The following DOCK1 variants were observed in gnomAD, a reference collection of about 807,000 sequenced individuals.
The protein encoded by DOCK1 is dedicator of cytokinesis protein 1.
In DOCK1, 138 loss-of-function variants were observed where a neutral mutation model predicts 262.7. That is an observed-to-expected ratio of 0.53 (90% CI 0.46 to 0.61). DOCK1 has a LOEUF of 0.61. Among genes scored for constraint, DOCK1 ranks in the 20% least tolerant of loss-of-function variants. The pLI is 0.00. For synonymous variants in DOCK1, 866 were observed against 867.4 expected (o/e 1.00, Z 0.03); for missense variants, 1,908 against 2,370.7 (o/e 0.80, Z 4.05).
chr10:126,997,396 T>C (rs776381661), intron 7 of DOCK1, among the ~76,000 whole-genome samples: 1 of 152,146 alleles, frequency 6.6e-6, no homozygotes, highest in Non-Finnish European at 1.5e-5. Context: ...GGATAGTGGC[T>C]TCTGCTTCTG....
At chr10:127,111,618 C>G (rs1252296683) in intron 25 of DOCK1, among the ~76,000 whole-genome samples, 1 of 152,170 alleles carries the variant, frequency 6.6e-6, no homozygotes, top group Non-Finnish European at 1.5e-5. Flanking sequence ...GATGGCCAGG[C>G]ACCCTGCTTC....
chr10:127,033,201 G>A (rs1468336658), intron 18 of DOCK1, among the ~76,000 whole-genome samples: 1 of 152,122 alleles, frequency 6.6e-6, no homozygotes, highest in Non-Finnish European at 1.5e-5. Context: ...ATTTTTAAAA[G>A]CTGGTTTGGA....
chr10:127,227,837 A>G (rs545398633), intron 27 of DOCK1, among the ~76,000 whole-genome samples: 3 of 152,160 alleles, frequency 2.0e-5, no homozygotes, highest in Non-Finnish European at 4.4e-5. Flanking sequence ...TTGGGGTTTG[A>G]CACTGGCTCA....
rs779117627 is a variant in DOCK1 at position 127,000,156 on chromosome 10, A to C, written c.850-16A>C. 2.7e-5 allele frequency: 44 copies of C among 1,612,772 alleles called. No homozygotes were observed. The highest frequency in any genetic ancestry group is 3.6e-5 in the Non-Finnish European group (42 of 1,179,198). ...AATGGGTCTCCAAAATAATTTATGG[A>C]AACTAATATTTCTAGGACCTCGGAA... On this transcript the variant is annotated splice_polypyrimidine_tract_variant and intron_variant, in intron 9 of 51. Coordinates refer to ENST00000623213, the MANE Select transcript of DOCK1 (RefSeq NM_001290223.2).
chr10:127,043,314 T>C (rs549668047), intron 21 of DOCK1, 150 bp downstream of exon 21: 245 of 655,992 alleles, frequency 3.7e-4, no homozygotes, highest in Non-Finnish European at 6.0e-4. Context: ...ATTGTTTCCC[T>C]CTTAACATAC....
chr10:127,140,042 G>A (rs907826332), intron 27 of DOCK1, among the ~76,000 whole-genome samples: 1 of 152,096 alleles, frequency 6.6e-6, no homozygotes, highest in African/African-American at 2.4e-5. Context: ...TTCTACCAAG[G>A]TGCTTTGGTA....
chr10:127,441,020 T>A (rs1162082001), intron 49 of DOCK1, among the ~76,000 whole-genome samples: 1 of 152,218 alleles, frequency 6.6e-6, no homozygotes, highest in Non-Finnish European at 1.5e-5. Context: ...GGTAGGGGAA[T>A]GAACAGAAGC....
At chr10:127,010,819 C>T (rs895434572) in intron 11 of DOCK1, among the ~76,000 whole-genome samples, 1 of 152,104 alleles carries the variant, frequency 6.6e-6, no homozygotes, top group Non-Finnish European at 1.5e-5. Context: ...ATAATGCAGC[C>T]CCCTGCTGTT....
chr10:126,985,071 C>T (rs1342261562), intron 4 of DOCK1, among the ~76,000 whole-genome samples: 1 of 147,602 alleles, frequency 6.8e-6, no homozygotes, highest in African/African-American at 2.5e-5. Context: ...ACCTCTGCCT[C>T]CTGCGTTCAA....
chr10:127,346,044 G>A (rs1219045390), intron 31 of DOCK1, among the ~76,000 whole-genome samples: 2 of 152,180 alleles, frequency 1.3e-5, no homozygotes, highest in Admixed American at 1.3e-4. Context: ...GGACAGCTCG[G>A]CCACAGCAGG....
intron 6 of DOCK1, among the ~76,000 whole-genome samples, chr10:126,993,198 C>T (rs2039936123): frequency 6.6e-6 from 1 of 152,254 alleles, no homozygotes; most frequent in African/African-American, 2.4e-5. Flanking sequence ...AGCAGGCTGG[C>T]ACAGGGCCGT....
intron 33 of DOCK1, 146 bp downstream of exon 33, chr10:127,362,358 A>G (rs1378603772): frequency 5.0e-6 from 5 of 1,003,388 alleles, no homozygotes; most frequent in Admixed American, 3.7e-5. Context: ...GAAAAAGCCT[A>G]TGATTTTCCT....
At position 127,176,162 on chromosome 10, in the gene DOCK1, C is replaced by G; in HGVS notation, c.2847+48398C>G. 2 of 1,614,120 alleles carry G rather than the reference C, an allele frequency of 1.2e-6. No individual in the cohort carries two copies. The highest frequency in any genetic ancestry group is 8.5e-7 in the Non-Finnish European group (1 of 1,180,026). On this transcript the variant is annotated intron_variant, in intron 27 of 51. Coordinates refer to ENST00000623213, the MANE Select transcript of DOCK1 (RefSeq NM_001290223.2). The surrounding 1 kb of genome is among the most constrained non-coding windows in gnomAD (Gnocchi z 4.4). ...ATTTGCGGTAGGCTGCTCTGCAGGA[C>G]ACGGGCTTGGCCTCCCGCTTCTCCC...
intron 38 of DOCK1, among the ~76,000 whole-genome samples, chr10:127,389,773 C>T (rs989478932): frequency 6.6e-6 from 1 of 151,958 alleles, no homozygotes; most frequent in South Asian, 2.1e-4. Flanking sequence ...CCCAGCACTT[C>T]GGGCTGAGGC....
chr10:126,992,899 G>GT (rs145953100), intron 6 of DOCK1, among the ~76,000 whole-genome samples: 9,096 of 152,184 alleles, frequency 0.06, 314 homozygotes, highest in Non-Finnish European at 0.07. Flanking sequence ...TTGCCTTGCT[G>GT]TGATAAGTTG....
intron 1 of DOCK1, among the ~76,000 whole-genome samples, chr10:126,929,215 G>T (rs1043853591): frequency 1.3e-5 from 2 of 152,180 alleles, no homozygotes; most frequent in Non-Finnish European, 2.9e-5. Flanking sequence ...GACTGATCTG[G>T]GGATGAACCA....
At chr10:127,290,543 A>G (rs1347604940) in intron 29 of DOCK1, among the ~76,000 whole-genome samples, 1 of 152,224 alleles carries the variant, frequency 6.6e-6, no homozygotes, top group African/African-American at 2.4e-5. Flanking sequence ...ATCACAACCA[A>G]GAACTTGTGT....
intron 23 of DOCK1, among the ~76,000 whole-genome samples, chr10:127,093,106 T>G (rs2047643037): frequency 6.6e-6 from 1 of 151,992 alleles, no homozygotes; most frequent in South Asian, 2.1e-4. Context: ...CTGGCAGTCC[T>G]CGATGTGCTG....
At chr10:127,320,118 T>G (rs948999721) in intron 29 of DOCK1, among the ~76,000 whole-genome samples, 2 of 152,104 alleles carry the variant, frequency 1.3e-5, no homozygotes, top group African/African-American at 4.8e-5. Context: ...TTTCCTTTTC[T>G]TCCTCTCAGT....
Sources: gnomAD v4.1 joint callset for allele counts (sites outside exome capture counted in the v4.1 genomes callset) on GRCh38, gnomAD v4.1.1 for gene constraint, Gnocchi (gnomAD v3.1) non-coding constraint, MANE v1.5 for transcripts, NCBI Gene and HGNC (gene_info 2026-07-23, HGNC 2026-07-21) for gene names.